Variants in NALCN observed in about 807,000 individuals in gnomAD.
NALCN encodes the protein sodium leak channel, non-selective.
Under a neutral mutation model 225.3 loss-of-function variants are expected in NALCN, and 111 were observed. That is an observed-to-expected ratio of 0.49 (90% CI 0.42 to 0.58). The LOEUF is 0.58. Ranked by LOEUF, NALCN falls within the 20% of genes least tolerant of loss-of-function variation. The pLI is 0.00. For synonymous variants in NALCN, 764 were observed against 769.0 expected (o/e 0.99, Z 0.11); for missense variants, 1,378 against 2,202.4 (o/e 0.63, Z 7.49).
chr13:101,190,087 T>C (rs974772067), intron 14 of NALCN, among the ~76,000 whole-genome samples: 1 of 152,256 alleles, frequency 6.6e-6, no homozygotes, highest in Admixed American at 6.5e-5. Context: ...TACTAAATAA[T>C]GTAATAGGCT....
chr13:101,391,835 T>C (rs1314039355), intron 3 of NALCN, among the ~76,000 whole-genome samples: 1 of 141,100 alleles, frequency 7.1e-6, no homozygotes, highest in African/African-American at 2.9e-5. Context: ...ACACAAAAAG[T>C]TAGCCAGGCG....
intron 10 of NALCN, among the ~76,000 whole-genome samples, chr13:101,276,014 A>G (rs1215132459): frequency 7.1e-6 from 1 of 140,472 alleles, no homozygotes; most frequent in Non-Finnish European, 1.5e-5. Context: ...CAGTGAGCCG[A>G]GATCGCACCA....
At chr13:101,111,821 A>G (rs1289605212) in intron 18 of NALCN, among the ~76,000 whole-genome samples, 1 of 152,194 alleles carries the variant, frequency 6.6e-6, no homozygotes, top group Non-Finnish European at 1.5e-5. Context: ...GTGGAACTGT[A>G]AGTTCACTAA....
intron 11 of NALCN, among the ~76,000 whole-genome samples, chr13:101,247,636 A>T (rs113334332): frequency 3.9e-5 from 6 of 152,122 alleles, no homozygotes; most frequent in African/African-American, 1.4e-4. Flanking sequence ...TCATTATTTT[A>T]TTTTTTTAAA....
intron 6 of NALCN, chr13:101,369,121 T>C (rs1378352749): frequency 8.8e-6 from 2 of 227,032 alleles, no homozygotes; most frequent in Non-Finnish European, 9.2e-6. Flanking sequence ...AGCATTTTCT[T>C]CTTAAATAGT....
In NALCN at chr13:101,292,046, G is replaced by A; in HGVS notation, c.991C>T (p.Gln331Ter). The A allele has an allele frequency of 1.2e-6, 2 of 1,614,004 alleles. No individual in the cohort carries two copies. The highest frequency in any genetic ancestry group is 2.2e-5 in the East Asian group (1 of 44,878). Residue 331 changes from glutamine (Q) to a stop codon, truncating the protein, a stop_gained, in exon 9 of 44, where the codon CAG (glutamine) becomes TAG (stop). Coordinates refer to ENST00000251127, the MANE Select transcript of NALCN (RefSeq NM_052867.4). LOFTEE classifies it high-confidence loss of function. This position sits in a 1 kb window ranked among gnomAD's most constrained non-coding sequence, Gnocchi z 4.3. ...CTCGATCCCCACATTTGTTGAAACT[G>A]TACTCTGATTTCTGCAAATGTTTCA... ...IIETFAEIRVQFQQMWGSRSS... is the reference protein window; with the variant it reads ...IIETFAEIRV
chr13:101,407,293 C>T (rs972860645), intron 1 of NALCN, among the ~76,000 whole-genome samples: 14 of 152,178 alleles, frequency 9.2e-5, no homozygotes, highest in African/African-American at 3.4e-4. Context: ...TGGTAAACTC[C>T]TTTATGGATA....
chr13:101,221,334 G>C (rs1451695928), intron 13 of NALCN, among the ~76,000 whole-genome samples: 1 of 152,016 alleles, frequency 6.6e-6, no homozygotes, highest in Admixed American at 6.6e-5. Context: ...GGCCAGGATG[G>C]TCTCCATCTC....
chr13:101,378,674 G>A (rs1232522462), intron 3 of NALCN, 21 bp from the exon 4 acceptor site: 1 of 1,565,150 alleles, frequency 6.4e-7, no homozygotes, highest in Non-Finnish European at 8.7e-7. Flanking sequence ...ATTTTACATG[G>A]CATTATTAGG....
At position 101,218,320 on chromosome 13, in the gene NALCN, A is replaced by G. The variant is rs77626515; in HGVS notation, c.1626+11073T>C. Among the ~76,000 whole-genome samples, 721 of 152,218 alleles carry G rather than the reference A, an allele frequency of 4.7e-3. 8 individuals are homozygous for G. Among genetic ancestry groups the G allele is most frequent in the African/African-American group, 0.017 (702 of 41,552 alleles). On this transcript the variant is annotated intron_variant, in intron 13 of 43. Coordinates refer to ENST00000251127, the MANE Select transcript of NALCN (RefSeq NM_052867.4). Reference sequence around the variant, plus strand: ...AGCTCCACAAACCTGGTGGCTTAAAACAACAGAAATGTATTGTCTCACAGG... The same window carrying G: ...AGCTCCACAAACCTGGTGGCTTAAAGCAACAGAAATGTATTGTCTCACAGG...
chr13:101,248,273 A>G (rs193175115), intron 11 of NALCN, among the ~76,000 whole-genome samples: 143 of 152,328 alleles, frequency 9.4e-4, no homozygotes, highest in Admixed American at 1.8e-3. Flanking sequence ...AAAAACAAAG[A>G]AATAAAGGGA....
rs1443062320 is a variant in NALCN, at chr13:101,143,202, A to T, written c.1996T>A (p.Phe666Ile). The T allele has an allele frequency of 6.2e-7, 1 of 1,610,108 alleles. No individual in the cohort carries two copies. The highest frequency in any genetic ancestry group is 2.2e-5 in the East Asian group (1 of 44,814). ...GTGTCCTGTTGCTGGCGGTCAATAA[A>T]CTGCTTCATAAAACTCTCCCTTTGC... is the stretch of plus-strand genomic sequence containing the variant. Reference protein sequence around the residue: ...PKIRESFMKQFIDRQQQDTCC... With the variant: ...PKIRESFMKQIIDRQQQDTCC... The change falls in exon 17 of 44, where the codon TTT (phenylalanine) becomes ATT (isoleucine). Residue 666 changes from phenylalanine (F) to isoleucine (I), a missense_variant. This residue lies in a region of NALCN where 100 missense variants were observed against 89.4 expected (regional missense o/e 1.12). Coordinates refer to ENST00000251127, the MANE Select transcript of NALCN (RefSeq NM_052867.4).
chr13:101,250,397 T>C (rs892847497), intron 11 of NALCN, among the ~76,000 whole-genome samples: 8 of 152,088 alleles, frequency 5.3e-5, no homozygotes, highest in African/African-American at 1.4e-4. Flanking sequence ...ATAGCACTTA[T>C]GACAACATGT....
intron 40 of NALCN, 51 bp downstream of exon 40, chr13:101,065,353 A>T (rs749347647): frequency 6.3e-7 from 1 of 1,596,858 alleles, no homozygotes; most frequent in Non-Finnish European, 8.6e-7. Context: ...TTGAAGGCTG[A>T]CAGCTGTGGT....
At chr13:101,257,284 G>T (rs964349161) in intron 11 of NALCN, among the ~76,000 whole-genome samples, 2 of 146,568 alleles carry the variant, frequency 1.4e-5, no homozygotes, top group Non-Finnish European at 1.5e-5. Context: ...GCATCACAGA[G>T]ACTGTAGCCC....
chr13:101,096,834 T>C (rs1156830199), intron 27 of NALCN, among the ~76,000 whole-genome samples: 1 of 152,234 alleles, frequency 6.6e-6, no homozygotes, highest in African/African-American at 2.4e-5. Context: ...TTGGCTATGA[T>C]GGTCATATTT....
At chr13:101,237,164 A>T (rs2041592585) in intron 12 of NALCN, among the ~76,000 whole-genome samples, 1 of 151,874 alleles carries the variant, frequency 6.6e-6, no homozygotes, top group East Asian at 1.9e-4. Flanking sequence ...AAGCAATGTG[A>T]TCCAATATAT....
At position 101,213,272 on chromosome 13, in the gene NALCN, C is replaced by G. The variant is rs557214155; in HGVS notation, c.1626+16121G>C. ...TAGAAAGCTGAAACTGGATCCCTTC[C>G]TTACACCTTATACAAAAATTAATTC... On this transcript the variant is annotated intron_variant, in intron 13 of 43. Coordinates refer to ENST00000251127, the MANE Select transcript of NALCN (RefSeq NM_052867.4). Among the ~76,000 whole-genome samples the G allele has an allele frequency of 3.3e-5, 5 of 152,160 alleles. No individual in the cohort carries two copies. In the South Asian group the frequency reaches 1.0e-3, roughly 32 times the overall value.
chr13:101,119,529 A>G (rs1454965455), intron 18 of NALCN, among the ~76,000 whole-genome samples: 4 of 152,208 alleles, frequency 2.6e-5, no homozygotes, highest in African/African-American at 4.8e-5. Context: ...ACTAATGTAA[A>G]ATGTTTAATT....
Sources: allele counts gnomAD v4.1 joint callset (sites outside exome capture counted in the v4.1 genomes callset), GRCh38; gene constraint gnomAD v4.1.1; regional missense constraint gnomAD v4.1.1; non-coding constraint Gnocchi (gnomAD v3.1); transcripts MANE v1.5; gene names NCBI Gene and HGNC (gene_info 2026-07-23, HGNC 2026-07-21).